Variants in ANK2 observed in about 807,000 individuals in gnomAD.
The protein encoded by ANK2 is ankyrin-2.
In ANK2, 83 loss-of-function variants were observed where a neutral mutation model predicts 360.5. That is an observed-to-expected ratio of 0.23 (90% CI 0.19 to 0.28). The LOEUF (loss-of-function observed/expected upper bound fraction) is 0.28. Ranked by LOEUF, ANK2 falls within the 10% of genes least tolerant of loss-of-function variation. The probability of loss-of-function intolerance (pLI) is 1.00; values close to 1 mark genes in which losing one functional copy is unlikely to be tolerated. For synonymous variants in ANK2, 1,740 were observed against 1,759.5 expected (o/e 0.99, Z 0.28); for missense variants, 4,201 against 4,795.7 (o/e 0.88, Z 3.66).
chr4:113,154,351 G>A (rs2097201161), intron 1 of ANK2, among the ~76,000 whole-genome samples: 1 of 152,180 alleles, frequency 6.6e-6, no homozygotes, highest in Non-Finnish European at 1.5e-5. Context: ...ATAAGACAAT[G>A]TTATGAAAAT....
intron 1 of ANK2, chr4:113,151,283 G>A (rs1361277164): frequency 1.2e-5 from 6 of 491,112 alleles, no homozygotes; most frequent in Non-Finnish European, 1.9e-5. Flanking sequence ...AAGAATACCC[G>A]AAGCTGGGTA....
intron 2 of ANK2, among the ~76,000 whole-genome samples, chr4:113,013,517 G>A (rs1204723648): frequency 6.6e-6 from 1 of 151,980 alleles, no homozygotes; most frequent in Admixed American, 6.6e-5. Flanking sequence ...CTAAAATGTA[G>A]GCAGTTTAGA....
the ANK2 span, among the ~76,000 whole-genome samples, chr4:112,720,952 A>T: frequency 6.6e-6 from 1 of 152,186 alleles, no homozygotes; most frequent in Non-Finnish European, 1.5e-5. Flanking sequence ...TTTGAAAAGT[A>T]CTATGGAATG....
chr4:112,965,088 T>C (rs1426548227), intron 2 of ANK2, among the ~76,000 whole-genome samples: 1 of 152,220 alleles, frequency 6.6e-6, no homozygotes, highest in African/African-American at 2.4e-5. Flanking sequence ...CTATTTTCCA[T>C]AGTGATTATA....
At chr4:112,926,108 G>A (rs2092514839) in intron 2 of ANK2, among the ~76,000 whole-genome samples, 1 of 152,160 alleles carries the variant, frequency 6.6e-6, no homozygotes, top group African/African-American at 2.4e-5. Flanking sequence ...GATTCAGTAG[G>A]TTTTCAGTAG....
intron 2 of ANK2, among the ~76,000 whole-genome samples, chr4:113,041,728 TA>T (rs1233412076): frequency 1.3e-5 from 2 of 152,136 alleles, no homozygotes; most frequent in Non-Finnish European, 2.9e-5. Context: ...CTGGGTGGCT[TA>T]AACAACAAAC....
intron 1 of ANK2, among the ~76,000 whole-genome samples, chr4:113,119,173 G>A (rs1450116379): frequency 1.3e-5 from 2 of 151,924 alleles, no homozygotes; most frequent in Non-Finnish European, 2.9e-5. Flanking sequence ...GTCTTCACAT[G>A]TAGATATTAT....
rs1411709888 is a variant in ANK2, at chr4:113,333,223, A to G, written c.3379+15A>G. 1.2e-6 allele frequency: 2 copies of G among 1,613,912 alleles called. No homozygotes were observed. Among genetic ancestry groups the G allele is most frequent in the Non-Finnish European group, 1.7e-6 (2 of 1,179,980 alleles). On this transcript the variant is annotated intron_variant, in intron 29 of 45. Coordinates refer to ENST00000357077, the MANE Select transcript of ANK2 (RefSeq NM_001148.6). ...CATGGATGAAGGTACTTTCAGATGAAGCGTTTTAAAAGAAATCTAAACTGG... is the reference window on the plus strand; with the variant it reads ...CATGGATGAAGGTACTTTCAGATGAGGCGTTTTAAAAGAAATCTAAACTGG...
the ANK2 span, among the ~76,000 whole-genome samples, chr4:112,711,844 A>T: frequency 1.3e-5 from 2 of 150,928 alleles, no homozygotes; most frequent in African/African-American, 4.8e-5. Flanking sequence ...AAATAAAAAT[A>T]AAAATAAAAA....
chr4:113,301,273 A>G (rs146732808), intron 22 of ANK2, among the ~76,000 whole-genome samples: 152 of 152,164 alleles, frequency 1.0e-3, no homozygotes, highest in African/African-American at 2.7e-3. Context: ...CAAAATAATG[A>G]GATTTGAATT....
At chr4:112,852,077 A>G (rs2065135315) in intron 1 of ANK2, among the ~76,000 whole-genome samples, 1 of 152,216 alleles carries the variant, frequency 6.6e-6, no homozygotes, top group Non-Finnish European at 1.5e-5. Context: ...GGTTGTTCAT[A>G]AATCTGTTGT....
intron 1 of ANK2, among the ~76,000 whole-genome samples, chr4:113,159,066 T>A (rs17590551): frequency 0.27 from 40,645 of 151,840 alleles, 6,003 homozygotes; most frequent in East Asian, 0.55. Flanking sequence ...TGATATATTT[T>A]AGGCACTGAA....
chr4:112,791,289 C>T, the ANK2 span, among the ~76,000 whole-genome samples: 26 of 152,092 alleles, frequency 1.7e-4, no homozygotes, highest in South Asian at 5.4e-3. Context: ...AGAGGATTGC[C>T]CAGATGACCT....
chr4:113,194,014 T>C (rs1422819082), intron 2 of ANK2, among the ~76,000 whole-genome samples: 1 of 152,204 alleles, frequency 6.6e-6, no homozygotes, highest in Non-Finnish European at 1.5e-5. Context: ...TGACAATATA[T>C]GCTACTGTGT....
chr4:113,349,298 G>A (rs1432733309), intron 36 of ANK2, among the ~76,000 whole-genome samples: 1 of 145,976 alleles, frequency 6.9e-6, no homozygotes, highest in Non-Finnish European at 1.5e-5. Context: ...AAAATAATAT[G>A]TTTCTAAGAT....
At chr4:112,887,490 T>A (rs1033764624) in intron 1 of ANK2, among the ~76,000 whole-genome samples, 1 of 152,234 alleles carries the variant, frequency 6.6e-6, no homozygotes, top group African/African-American at 2.4e-5. Context: ...CATAGTTTCA[T>A]TGTAACTTGA....
At chr4:113,197,560 C>G (rs1222293864) in intron 3 of ANK2, among the ~76,000 whole-genome samples, 1 of 152,130 alleles carries the variant, frequency 6.6e-6, no homozygotes, top group Non-Finnish European at 1.5e-5. Flanking sequence ...AGATGGGACA[C>G]TAGTCTAATC....
At position 113,363,451 on chromosome 4, in the gene ANK2, G is replaced by A. The variant is rs2154047653; in HGVS notation, c.10870G>A (p.Asp3624Asn). The A allele has an allele frequency of 6.2e-7, 1 of 1,613,520 alleles. No homozygotes were observed. The highest frequency in any genetic ancestry group is 1.7e-5 in the Admixed American group (1 of 59,982). Residue 3624 changes from aspartate (D) to asparagine (N), a missense_variant, in exon 40 of 46, where the codon GAT becomes AAT. Around this residue, in one of 4 missense-constraint regions of ANK2, gnomAD observed 2,642 missense variants for 2,714.5 expected, o/e 0.97. Transcript: ENST00000357077. ...HALLKYWLER[D>N]GKHATDTNLV... The stretch of plus-strand genomic sequence containing the variant: ...ACTGTTGAAGTACTGGCTAGAGAGG[G>A]ATGGGAAACATGCTACAGGTAAGTG...
intron 2 of ANK2, among the ~76,000 whole-genome samples, chr4:112,924,438 C>A (rs769383587): frequency 3.3e-5 from 5 of 151,988 alleles, no homozygotes; most frequent in South Asian, 2.1e-4. Flanking sequence ...GGTAACACTT[C>A]ATCTTAGATA....
Sources: allele counts gnomAD v4.1 joint callset (sites outside exome capture counted in the v4.1 genomes callset), GRCh38; gene constraint gnomAD v4.1.1; regional missense constraint gnomAD v4.1.1; transcripts MANE v1.5; gene names NCBI Gene and HGNC (gene_info 2026-07-23, HGNC 2026-07-21).